Variants in ATP8A2 observed in about 807,000 individuals in gnomAD.
The protein encoded by ATP8A2 is ATPase phospholipid transporting 8A2.
Under a neutral mutation model 165.6 loss-of-function variants are expected in ATP8A2, and 100 were observed. The observed-to-expected ratio is 0.60, with a 90% CI of 0.51 to 0.71. The LOEUF (loss-of-function observed/expected upper bound fraction) is 0.71, where lower values mean the gene tolerates loss of function less well. ATP8A2 is among the 30% of genes least tolerant of loss of function. The probability of loss-of-function intolerance (pLI) is 0.00; values close to 1 mark genes in which losing one functional copy is unlikely to be tolerated. For synonymous variants in ATP8A2, 543 were observed against 548.8 expected, an observed-to-expected ratio of 0.99 and a Z score of 0.15; for missense variants, 1,227 against 1,479.5, an observed-to-expected ratio of 0.83 and a Z score of 2.80.
intron 25 of ATP8A2, among the ~76,000 whole-genome samples, chr13:25,752,693 A>G (rs1448977026): frequency 3.9e-5 from 6 of 152,160 alleles, no homozygotes; most frequent in South Asian, 4.1e-4. Flanking sequence ...GCATAGCTCA[A>G]TGCAGCCTCT....
intron 2 of ATP8A2, among the ~76,000 whole-genome samples, chr13:25,514,736 C>A (rs947510318): frequency 1.3e-5 from 2 of 152,274 alleles, no homozygotes; most frequent in Admixed American, 1.3e-4. Flanking sequence ...ACTTCAAATA[C>A]CTCCCTTTGC....
chr13:25,934,947 G>A (rs1344507155), intron 33 of ATP8A2, among the ~76,000 whole-genome samples: 4 of 152,216 alleles, frequency 2.6e-5, no homozygotes, highest in Non-Finnish European at 4.4e-5. Flanking sequence ...ACCAGGAGTG[G>A]ACTCAGATAC....
intron 24 of ATP8A2, among the ~76,000 whole-genome samples, chr13:25,686,337 G>C (rs751970256): frequency 3.9e-5 from 6 of 152,218 alleles, no homozygotes; most frequent in Admixed American, 1.3e-4. Context: ...GGAGACCTCT[G>C]TCTCCAAACC....
rs2138056740 is a variant in ATP8A2, at chr13:25,551,477, A to T, written c.1031A>T (p.Glu344Val). 3 of 1,611,632 alleles carry T rather than the reference A, an allele frequency of 1.9e-6. No homozygotes were observed. Among genetic ancestry groups the T allele is most frequent in the Non-Finnish European group, 2.5e-6 (3 of 1,178,356 alleles). ...CTGTACTGGAACAGGTCTCATGGTGAAAAGAACTGGTACATCAAGAAGATG... is the reference window on the plus strand; with the variant it reads ...CTGTACTGGAACAGGTCTCATGGTGTAAAGAACTGGTACATCAAGAAGATG... Reference protein sequence around the residue: ...GALYWNRSHGEKNWYIKKMDT... With the variant: ...GALYWNRSHGVKNWYIKKMDT... Residue 344 changes from glutamate (E) to valine (V), a missense_variant, in exon 11 of 37, where the codon GAA (glutamate) becomes GTA (valine). Glu to Val is a moderately radical substitution (Grantham distance 121, BLOSUM62 -2). Coordinates refer to ENST00000381655, the MANE Select transcript of ATP8A2 (RefSeq NM_016529.6).
intron 33 of ATP8A2, among the ~76,000 whole-genome samples, chr13:25,875,369 A>G (rs1349254711): frequency 6.6e-6 from 1 of 151,794 alleles, no homozygotes; most frequent in Non-Finnish European, 1.5e-5. Flanking sequence ...CCTAGTACCC[A>G]TCTTTTTTTG....
chr13:25,936,770 TC>T (rs1222787729), intron 33 of ATP8A2, among the ~76,000 whole-genome samples: 1 of 152,224 alleles, frequency 6.6e-6, no homozygotes, highest in African/African-American at 2.4e-5. Flanking sequence ...GACTCTTTCT[TC>T]CTGGTCTGTT....
intron 24 of ATP8A2, among the ~76,000 whole-genome samples, chr13:25,640,335 A>G (rs1279461209): frequency 5.3e-5 from 8 of 152,192 alleles, no homozygotes; most frequent in African/African-American, 1.9e-4. Context: ...TGAAAAGATC[A>G]ACAAAATTGA....
chr13:25,619,576 A>T lies in ATP8A2; in HGVS notation c.2211+29877A>T, dbSNP rs986491475. Among the ~76,000 whole-genome samples, 16 of 152,218 alleles carry T rather than the reference A, an allele frequency of 1.1e-4. 1 individual carries two copies. Among genetic ancestry groups the T allele is most frequent in the African/African-American group, 3.6e-4 (15 of 41,470 alleles). ...TAGGGATATCTGTGGAGACCAGCAA[A>T]CTATAAAATGTAGCACAGCAGATGT... is the stretch of plus-strand genomic sequence containing the variant. On this transcript the variant is annotated intron_variant, in intron 24 of 36. Coordinates refer to ENST00000381655, the MANE Select transcript of ATP8A2 (RefSeq NM_016529.6).
At chr13:25,421,109 A>T (rs2034286001) in intron 1 of ATP8A2, among the ~76,000 whole-genome samples, 1 of 152,274 alleles carries the variant, frequency 6.6e-6, no homozygotes, top group African/African-American at 2.4e-5. Context: ...CACATTCTTT[A>T]GAAATATTAC....
chr13:25,544,342 G>A (rs1467428888), intron 10 of ATP8A2, among the ~76,000 whole-genome samples: 1 of 152,242 alleles, frequency 6.6e-6, no homozygotes, highest in Non-Finnish European at 1.5e-5. Flanking sequence ...TGATTCCCGT[G>A]GCAGAAGCAC....
intron 1 of ATP8A2, among the ~76,000 whole-genome samples, chr13:25,466,868 A>T (rs2035682649): frequency 6.6e-6 from 1 of 152,180 alleles, no homozygotes; most frequent in Admixed American, 6.5e-5. Context: ...CCATAAATAA[A>T]ATCAGGTAAT....
intron 24 of ATP8A2, among the ~76,000 whole-genome samples, chr13:25,591,993 T>C (rs1261344433): frequency 2.0e-5 from 3 of 151,510 alleles, no homozygotes; most frequent in African/African-American, 7.3e-5. Flanking sequence ...TCGTTTTATA[T>C]GGTTTGTGAT....
Position 25,825,316 on chromosome 13 carries a change from C to T in ATP8A2, c.2680-2802C>T, listed in dbSNP as rs115982534. On this transcript the variant is annotated intron_variant, in intron 27 of 36. Coordinates refer to ENST00000381655, the MANE Select transcript of ATP8A2 (RefSeq NM_016529.6). ...GGGACTACAGAGGTGTGCATCACCA[C>T]ACCCAGCTAACTTTTTATTTTTTGT... Among the ~76,000 whole-genome samples, 590 of 151,626 alleles carry T rather than the reference C, an allele frequency of 3.9e-3. 5 individuals are homozygous for T. Among genetic ancestry groups the T allele is most frequent in the African/African-American group, 0.014 (569 of 41,344 alleles).
rs772201269 is a variant in ATP8A2, at chr13:25,372,337, G to T, written c.76+49G>T. The stretch of plus-strand genomic sequence containing the variant: ...GGGAGGGTGGGCCCGGGGCGGGGGC[G>T]GCGCGGGGCGCGCCTGCGGTTATGC... On this transcript the variant is annotated intron_variant, in intron 1 of 36. Transcript: ENST00000381655. This position sits in a 1 kb window ranked among gnomAD's most constrained non-coding sequence, Gnocchi z 4.8. 7.5e-7 allele frequency: 1 copy of T among 1,331,544 alleles called. No homozygotes were observed. Among genetic ancestry groups the T allele is most frequent in the South Asian group, 1.5e-5 (1 of 66,948 alleles). The allele number at this position is 1,331,544 out of a possible 1,614,324, so 82.5% of individuals were successfully genotyped here. A position where few individuals can be genotyped will look rare whatever the true frequency, so the allele number is the denominator to read the frequency against.
At chr13:25,469,664 T>C (rs1189388162) in intron 2 of ATP8A2, among the ~76,000 whole-genome samples, 2 of 152,188 alleles carry the variant, frequency 1.3e-5, no homozygotes, top group Non-Finnish European at 2.9e-5. Flanking sequence ...ATGTCTACTT[T>C]TGCTGGCCGC....
At chr13:25,907,378 TAAAATAAAATA>T (rs1049104892) in intron 33 of ATP8A2, among the ~76,000 whole-genome samples, 1 of 77,006 alleles carries the variant, frequency 1.3e-5, no homozygotes, top group Non-Finnish European at 2.8e-5. Context: ...TAAAATAAAA[TAAAATAAAATA>T]AAAGGAGCTA....
At chr13:25,842,613 A>G (rs1951769580) in intron 30 of ATP8A2, among the ~76,000 whole-genome samples, 1 of 151,896 alleles carries the variant, frequency 6.6e-6, no homozygotes, top group Non-Finnish European at 1.5e-5. Flanking sequence ...TGGAGGTTGC[A>G]GTGAGCCAAG....
intron 1 of ATP8A2, among the ~76,000 whole-genome samples, chr13:25,463,313 T>C (rs2035554563): frequency 6.6e-6 from 1 of 152,058 alleles, no homozygotes; most frequent in Non-Finnish European, 1.5e-5. Flanking sequence ...GCCCTTATGC[T>C]AACTCTTCTT....
intron 24 of ATP8A2, among the ~76,000 whole-genome samples, chr13:25,661,424 G>A (rs1418235193): frequency 6.6e-6 from 1 of 152,070 alleles, no homozygotes; most frequent in East Asian, 1.9e-4. Flanking sequence ...TTTCATTGTG[G>A]TAGAGCCACA....
Sources: allele counts gnomAD v4.1 joint callset (sites outside exome capture counted in the v4.1 genomes callset), GRCh38; gene constraint gnomAD v4.1.1; non-coding constraint Gnocchi (gnomAD v3.1); transcripts MANE v1.5; gene names NCBI Gene and HGNC (gene_info 2026-07-23, HGNC 2026-07-21).